The following TRAP1 variants were observed in gnomAD, a reference collection of about 807,000 sequenced individuals.
TRAP1 encodes the protein heat shock protein 75 kDa, mitochondrial.
In TRAP1, 102 loss-of-function variants were observed where a neutral mutation model predicts 89.1. The observed-to-expected ratio is 1.15, with a 90% confidence interval of 0.98 to 1.35. The LOEUF (loss-of-function observed/expected upper bound fraction) is 1.35, where lower values mean the gene tolerates loss of function less well. Among genes scored for constraint, TRAP1 ranks in the 40% most tolerant of loss-of-function variants. The pLI is 0.00. For synonymous variants in TRAP1, 508 were observed against 388.0 expected (o/e 1.31, Z -3.64); for missense variants, 1,256 against 945.3 (o/e 1.33, Z -4.31).
chr16:3,662,899 G>A lies in TRAP1; in HGVS notation c.1777C>T (p.Arg593Cys), dbSNP rs1258262587. ...MAWMRNVLGS[R>C]VTNVKVTLRL... is the part of the protein sequence containing the mutation. The stretch of plus-strand genomic sequence containing the variant: ...AGCCTCACCTTCACGTTGGTGACAC[G>A]CGACCCCAGCACATTTCTCATCCAG... The change falls in exon 15 of 18, where the codon CGT becomes TGT. Residue 593 changes from arginine to cysteine, a missense_variant. Physicochemically the swap from Arg to Cys is radical, Grantham distance 180 (BLOSUM62 -3). Transcript: ENST00000246957. The A allele has an allele frequency of 5.0e-6, 8 of 1,613,324 alleles. No homozygotes were observed. Among genetic ancestry groups the A allele is most frequent in the African/African-American group, 2.7e-5 (2 of 74,920 alleles).
intron 8 of TRAP1, chr16:3,674,773 A>C: frequency 2.0e-6 from 1 of 496,166 alleles, no homozygotes; most frequent in East Asian, 3.6e-5. Context: ...GACGCTGCCC[A>C]GCAGGGGCGA....
chr16:3,679,190 C>T (rs1311449947), intron 5 of TRAP1, among the ~76,000 whole-genome samples: 1 of 152,052 alleles, frequency 6.6e-6, no homozygotes, highest in Non-Finnish European at 1.5e-5. Context: ...ACTTGGGAGG[C>T]TGAGGCAGGA....
intron 4 of TRAP1, among the ~76,000 whole-genome samples, chr16:3,683,802 AAACT>A (rs2051103793): frequency 6.6e-6 from 1 of 152,048 alleles, no homozygotes; most frequent in Non-Finnish European, 1.5e-5. Flanking sequence ...AAAAAAAAAA[AAACT>A]ATAGATTTTT....
rs1371622613 is a variant in TRAP1 at position 3,677,665 on chromosome 16, G to T, written c.544-7C>A. On this transcript the variant is annotated splice_polypyrimidine_tract_variant and splice_region_variant and intron_variant, in intron 5 of 17. Transcript: ENST00000246957. ...GCAGAGCATCCAGGAAGGCCTGTGG[G>T]GCAGAGGCCAGTTAGTGAGGCAGCC... The T allele has an allele frequency of 6.2e-7, 1 of 1,612,114 alleles. No individual in the cohort carries two copies. Among genetic ancestry groups the T allele is most frequent in the Non-Finnish European group, 8.5e-7 (1 of 1,179,424 alleles).
intron 16 of TRAP1, chr16:3,660,277 A>ATT (rs2042995467): frequency 6.6e-6 from 1 of 152,146 alleles, no homozygotes; most frequent in Non-Finnish European, 1.5e-5. Context: ...GTAGGAGGAA[A>ATT]TTTTCCCCTG....
At chr16:3,705,099 C>G (rs1415133008) in intron 1 of TRAP1, among the ~76,000 whole-genome samples, 1 of 152,116 alleles carries the variant, frequency 6.6e-6, no homozygotes, top group African/African-American at 2.4e-5. Flanking sequence ...GAGTCTCGCT[C>G]TGTCGCCCAG....
chr16:3,675,444 G>A (rs758595652), intron 7 of TRAP1, 47 bp from the exon 8 acceptor site: 12 of 1,586,392 alleles, frequency 7.6e-6, no homozygotes, highest in Admixed American at 1.7e-5. Flanking sequence ...AATGCTTGTG[G>A]AAACGCAAGC....
intron 1 of TRAP1, among the ~76,000 whole-genome samples, chr16:3,709,222 C>T (rs1342368841): frequency 8.7e-6 from 1 of 114,882 alleles, no homozygotes; most frequent in African/African-American, 3.8e-5. Context: ...TGCAAAACTC[C>T]ATCTCAAAAA....
chr16:3,693,948 A>C (rs1417377947), intron 1 of TRAP1, among the ~76,000 whole-genome samples: 2 of 151,142 alleles, frequency 1.3e-5, no homozygotes, highest in Non-Finnish European at 1.5e-5. Flanking sequence ...AGCCAAGATC[A>C]CACTACCGCA....
At chr16:3,684,838 G>T (rs774739784) in intron 4 of TRAP1, among the ~76,000 whole-genome samples, 2 of 152,068 alleles carry the variant, frequency 1.3e-5, no homozygotes, top group Non-Finnish European at 2.9e-5. Flanking sequence ...CGCTCCCATC[G>T]GCTATTGAGA....
chr16:3,701,939 G>A (rs955621399), intron 1 of TRAP1, among the ~76,000 whole-genome samples: 3 of 151,876 alleles, frequency 2.0e-5, no homozygotes, highest in Non-Finnish European at 4.4e-5. Flanking sequence ...TGCCCGGCAC[G>A]GTGGCTCACA....
intron 11 of TRAP1, among the ~76,000 whole-genome samples, chr16:3,669,485 G>C (rs1398310058): frequency 6.6e-6 from 1 of 151,970 alleles, no homozygotes; most frequent in Non-Finnish European, 1.5e-5. Flanking sequence ...TATATCTTCC[G>C]ACCAAGTAAC....
At chr16:3,672,640 C>T (rs2050929576) in intron 10 of TRAP1, 60 bp downstream of exon 10, 4 of 1,550,452 alleles carry the variant, frequency 2.6e-6, no homozygotes, top group Non-Finnish European at 3.5e-6. Context: ...CGGTCCCTCA[C>T]AGATGCAGCG....
chr16:3,675,787 A>AGGGCC, intron 7 of TRAP1, among the ~76,000 whole-genome samples: 1 of 152,208 alleles, frequency 6.6e-6, no homozygotes, highest in Admixed American at 6.5e-5. Context: ...CTAAAGGCCA[A>AGGGCC]GGGCCACGCA....
chr16:3,664,588 G>A (rs944317403), intron 12 of TRAP1, 129 bp from the exon 13 acceptor site: 32 of 977,478 alleles, frequency 3.3e-5, no homozygotes, highest in South Asian at 9.8e-5. Flanking sequence ...CCCGAGGGAC[G>A]GTAGTGGACT....
chr16:3,665,909 C>T lies in TRAP1; in HGVS notation c.1383+62G>A, dbSNP rs542927147. The T allele has an allele frequency of 1.2e-4, 187 of 1,567,412 alleles. No individual in the cohort carries two copies. The African/African-American group carries it at 2.4e-3, about 20-fold the overall frequency. On this transcript the variant is annotated intron_variant, in intron 12 of 17. Coordinates refer to ENST00000246957, the MANE Select transcript of TRAP1 (RefSeq NM_016292.3). The stretch of plus-strand genomic sequence containing the variant: ...CCACATCAGGGGACACCTCCACCAG[C>T]TTCCTCAGCAGCCCCAGGGACAAGG...
intron 3 of TRAP1, among the ~76,000 whole-genome samples, chr16:3,687,562 C>A (rs1362741156): frequency 2.0e-5 from 3 of 152,136 alleles, no homozygotes; most frequent in African/African-American, 7.2e-5. Context: ...GAAAAGCACA[C>A]TGACCTCAAA....
chr16:3,658,245 G>A lies in TRAP1; in HGVS notation c.2014-15C>T, dbSNP rs192514659. On this transcript the variant is annotated splice_polypyrimidine_tract_variant and intron_variant, in intron 17 of 17. Transcript: ENST00000246957. ...TTCTCGTATATCTGAAAGGCAAGAG[G>A]AGAAACCCATTATGAGGGGCATGGG... The A allele has an allele frequency of 1.1e-5, 17 of 1,607,314 alleles. 1 individual carries two copies. The highest frequency in any genetic ancestry group is 4.5e-5 in the East Asian group (2 of 44,740).
intron 6 of TRAP1, 54 bp from the exon 7 acceptor site, chr16:3,676,199 C>A: frequency 6.7e-7 from 1 of 1,492,576 alleles, no homozygotes; most frequent in Non-Finnish European, 9.3e-7. Flanking sequence ...GGGACATACC[C>A]TGCATGGGAC....
Sources: gnomAD v4.1 joint callset for allele counts (sites outside exome capture counted in the v4.1 genomes callset) on GRCh38, gnomAD v4.1.1 for gene constraint, MANE v1.5 for transcripts, NCBI Gene and HGNC (gene_info 2026-07-23, HGNC 2026-07-21) for gene names.